PHTF2: variants seen among roughly 807,000 people sequenced by gnomAD.
The protein encoded by PHTF2 is protein PHTF2.
A neutral mutation model predicts 101.2 loss-of-function variants in PHTF2; 60 were observed. The observed-to-expected ratio is 0.59, with a 90% CI of 0.48 to 0.73. The LOEUF (loss-of-function observed/expected upper bound fraction) is 0.73. Ranked by LOEUF, PHTF2 falls within the 30% of genes least tolerant of loss-of-function variation. The pLI, the probability that PHTF2 is intolerant of heterozygous loss-of-function variation, is 0.00. For synonymous variants in PHTF2, 311 were observed against 307.3 expected, an observed-to-expected ratio of 1.01 and a Z score of -0.13; for missense variants, 747 against 908.7, an observed-to-expected ratio of 0.82 and a Z score of 2.29.
chr7:77,810,388 A>G (rs1221602545), intron 1 of PHTF2, among the ~76,000 whole-genome samples: 2 of 152,204 alleles, frequency 1.3e-5, no homozygotes, highest in Non-Finnish European at 2.9e-5. Flanking sequence ...ACTGTACTTT[A>G]TTGCAGAAGA....
At position 77,915,411 on chromosome 7, in the gene PHTF2, C is replaced by A. The variant is rs140850818; in HGVS notation, c.777-4868C>A. On this transcript the variant is annotated intron_variant, in intron 9 of 19. Transcript: ENST00000416283. The stretch of plus-strand genomic sequence containing the variant: ...ATTTTTTAGTAGAGAAGGGGTTTCA[C>A]CATGTTGGCCAGGATGGTCTCAATC... Among the ~76,000 whole-genome samples the A allele has an allele frequency of 9.7e-3, 1,475 of 152,006 alleles. 29 individuals are homozygous for A. The highest frequency in any genetic ancestry group is 0.033 in the African/African-American group (1,376 of 41,454).
intron 1 of PHTF2, among the ~76,000 whole-genome samples, chr7:77,820,425 C>T (rs911203205): frequency 6.6e-6 from 1 of 152,170 alleles, no homozygotes; most frequent in African/African-American, 2.4e-5. Context: ...GATCATAGCT[C>T]ACTGTAACCT....
rs1471402595 is a variant in PHTF2, at chr7:77,922,749, C to T, written c.1090C>T (p.His364Tyr). ...AGGTGTTCTTCGGAATAGAAAGTCACACCATTATAAGAAACATTACCCTAA... is the reference window on the plus strand; with the variant it reads ...AGGTGTTCTTCGGAATAGAAAGTCATACCATTATAAGAAACATTACCCTAA... The change falls in exon 11 of 20, where the codon CAC becomes TAC. Residue 364 changes from histidine (H) to tyrosine (Y), a missense_variant. Physicochemically the swap from His to Tyr is moderately conservative, Grantham distance 83 (BLOSUM62 2). Around this residue, in one of 6 missense-constraint regions of PHTF2, gnomAD observed 349 missense variants for 369.7 expected, o/e 0.94. Transcript: ENST00000416283. 3 of 1,603,866 alleles carry T rather than the reference C, an allele frequency of 1.9e-6. No homozygotes were observed. In the East Asian group the frequency reaches 6.7e-5, roughly 36 times the overall value.
At chr7:77,849,631 A>G (rs1387668338) in intron 2 of PHTF2, among the ~76,000 whole-genome samples, 1 of 152,192 alleles carries the variant, frequency 6.6e-6, no homozygotes, top group Non-Finnish European at 1.5e-5. Context: ...TGCTACATTG[A>G]ATCTGTAGAT....
chr7:77,831,178 C>T (rs117995313), intron 1 of PHTF2, among the ~76,000 whole-genome samples: 3,392 of 152,336 alleles, frequency 0.022, 52 homozygotes, highest in Middle Eastern at 0.068. Flanking sequence ...TGCTTTGTCA[C>T]GTGGAGACCA....
intron 3 of PHTF2, among the ~76,000 whole-genome samples, chr7:77,869,402 TTTC>T (rs1798340323): frequency 6.6e-6 from 1 of 152,208 alleles, no homozygotes; most frequent in Non-Finnish European, 1.5e-5. Context: ...TTAACCAAAC[TTTC>T]TTTATCCTCC....
exon 10 of PHTF2, chr7:77,920,460 A>C: frequency 6.2e-7 from 1 of 1,611,072 alleles, no homozygotes; most frequent in Non-Finnish European, 8.5e-7. Flanking sequence ...GAATGGTCCT[A>C]GCAAAGTACG....
intron 11 of PHTF2, chr7:77,923,690 A>G: frequency 1.0e-6 from 1 of 985,388 alleles, no homozygotes; most frequent in Non-Finnish European, 1.2e-6. Context: ...TTCCTAAGCC[A>G]GATAACCAAG....
intron 12 of PHTF2, among the ~76,000 whole-genome samples, chr7:77,935,214 C>CATTTACCCT (rs1804998963): frequency 6.8e-5 from 4 of 59,248 alleles, no homozygotes; most frequent in African/African-American, 2.2e-4. Flanking sequence ...GTAATTTACC[C>CATTTACCCT]TTTTTTTTTT....
intron 2 of PHTF2, among the ~76,000 whole-genome samples, chr7:77,841,447 C>G (rs778751188): frequency 6.6e-6 from 1 of 152,040 alleles, no homozygotes; most frequent in Non-Finnish European, 1.5e-5. Flanking sequence ...AAAAGTTAGA[C>G]AAACTAAGAA....
At chr7:77,925,495 G>GTTTTTTTTTTTTTTTTATTT (rs1803882844) in intron 11 of PHTF2, among the ~76,000 whole-genome samples, 1 of 73,138 alleles carries the variant, frequency 1.4e-5, no homozygotes, top group African/African-American at 5.8e-5. Context: ...AGTTTTTAGG[G>GTTTTTTTTTTTTTTTTATTT]TTTTTTTTTT....
At chr7:77,932,423 A>G (rs975421163) in intron 12 of PHTF2, among the ~76,000 whole-genome samples, 3 of 152,048 alleles carry the variant, frequency 2.0e-5, no homozygotes, top group Non-Finnish European at 4.4e-5. Flanking sequence ...TAAGAGAGTT[A>G]TTGCCTGATG....
intron 1 of PHTF2, among the ~76,000 whole-genome samples, chr7:77,826,610 A>C (rs148299857): frequency 2.4e-3 from 360 of 152,338 alleles, no homozygotes; most frequent in Non-Finnish European, 2.0e-3. Context: ...GCTTTTCCCA[A>C]CTACAAGTAC....
chr7:77,869,903 T>G (rs761582169), intron 3 of PHTF2, among the ~76,000 whole-genome samples: 1 of 152,198 alleles, frequency 6.6e-6, no homozygotes, highest in Non-Finnish European at 1.5e-5. Context: ...GAGAAATATC[T>G]ATGGCGATCT....
At position 77,924,070 on chromosome 7, in the gene PHTF2, T is replaced by C. The variant is rs192053689; in HGVS notation, c.1119+1292T>C. 4,156 of 960,368 alleles carry C rather than the reference T, an allele frequency of 4.3e-3. 9 individuals are homozygous for C. Among genetic ancestry groups the C allele is most frequent in the Non-Finnish European group, 4.6e-3 (3,707 of 807,282 alleles). 59.5% of individuals were successfully genotyped at this position (960,368 alleles called of 1,614,324 possible). A position where few individuals can be genotyped will look rare whatever the true frequency, so the allele number is the denominator to read the frequency against. On this transcript the variant is annotated intron_variant, in intron 11 of 19. Coordinates refer to ENST00000416283, the Ensembl canonical transcript of PHTF2. ...AGTGAAGAATGTAGACTAGGTGATA[T>C]TTTAAAAGCTGCATTCAGTTCTCAA...
intron 2 of PHTF2, among the ~76,000 whole-genome samples, chr7:77,850,360 C>CAAAAAAAAAAAAAAAAAAAAAAA (rs71082789): frequency 4.5e-5 from 2 of 44,376 alleles, no homozygotes; most frequent in African/African-American, 8.7e-5. Context: ...GACCTTGTCT[C>CAAAAAAAAAAAAAAAAAAAAAAA]AAAAAAAAAA....
intron 3 of PHTF2, among the ~76,000 whole-genome samples, chr7:77,881,325 C>T (rs1358577377): frequency 6.6e-6 from 1 of 152,112 alleles, no homozygotes; most frequent in Admixed American, 6.6e-5. Flanking sequence ...TTCTCCCCTC[C>T]ATATATATGT....
chr7:77,896,361 G>C (rs1800876069), intron 5 of PHTF2, among the ~76,000 whole-genome samples: 2 of 152,078 alleles, frequency 1.3e-5, no homozygotes. Flanking sequence ...GTTAAGACCA[G>C]CTTGGGCAAC....
chr7:77,913,226 A>G (rs1448562665), intron 9 of PHTF2, among the ~76,000 whole-genome samples: 1 of 151,930 alleles, frequency 6.6e-6, no homozygotes, highest in East Asian at 1.9e-4. Flanking sequence ...CACCTGTACT[A>G]AAAATACAAA....
Sources: gnomAD v4.1 joint callset for allele counts (sites outside exome capture counted in the v4.1 genomes callset) on GRCh38, gnomAD v4.1.1 for gene constraint, gnomAD v4.1.1 regional missense constraint, MANE v1.5 for transcripts, NCBI Gene and HGNC (gene_info 2026-07-23, HGNC 2026-07-21) for gene names.